The following RGS12 variants were observed in gnomAD, a reference collection of about 807,000 sequenced individuals.
The protein encoded by RGS12 is regulator of G protein signaling 12, also known as regulator of G-protein signaling 12.
In RGS12, 66 loss-of-function variants were observed where a neutral mutation model predicts 120.1. The observed-to-expected ratio is 0.55, with a 90% confidence interval of 0.45 to 0.67. The LOEUF (loss-of-function observed/expected upper bound fraction) is 0.67. Among genes scored for constraint, RGS12 ranks in the 30% least tolerant of loss-of-function variants. The pLI, the probability that RGS12 is intolerant of heterozygous loss-of-function variation, is 0.00. For missense variants in RGS12, 1,859 were observed against 1,957.7 expected (o/e 0.95, Z 0.95); for synonymous variants, 827 against 804.7 (o/e 1.03, Z -0.47).
chr4:3,362,285 G>A (rs184529160), intron 3 of RGS12, among the ~76,000 whole-genome samples: 85 of 152,296 alleles, frequency 5.6e-4, no homozygotes, highest in African/African-American at 1.9e-3. Context: ...AGGTTGAGGG[G>A]CACATTTTCC....
At chr4:3,400,019 A>G (rs1490820675) in intron 4 of RGS12, among the ~76,000 whole-genome samples, 1 of 152,208 alleles carries the variant, frequency 6.6e-6, no homozygotes, top group Non-Finnish European at 1.5e-5. Flanking sequence ...AGCATAACAC[A>G]TGGTTTGCCT....
chr4:3,366,577 G>T lies in RGS12; in HGVS notation c.1999-19839G>T, dbSNP rs1054496403. Reference sequence around the variant, plus strand: ...GGGCTTGCGGCCGGGATCCACCAGGGCCGTCCCGGTTCCTGGGTGTTCCGC... The same window carrying T: ...GGGCTTGCGGCCGGGATCCACCAGGTCCGTCCCGGTTCCTGGGTGTTCCGC... On this transcript the variant is annotated intron_variant, in intron 3 of 17. Transcript: ENST00000336727. The surrounding 1 kb of genome is among the most constrained non-coding windows in gnomAD (Gnocchi z 4.0). Among the ~76,000 whole-genome samples the T allele has an allele frequency of 6.6e-6, 1 of 152,228 alleles. No individual in the cohort carries two copies. Among genetic ancestry groups the T allele is most frequent in the Non-Finnish European group, 1.5e-5 (1 of 68,038 alleles).
chr4:3,336,832 A>G lies in RGS12; in HGVS notation c.1882-6105A>G, dbSNP rs529072068. On this transcript the variant is annotated intron_variant, in intron 2 of 17. Transcript: ENST00000336727. ...AAGCCATGTATCTGATATGCAGTTAATATGCAGAGTCTATAGAGAACTCCT... is the reference window on the plus strand; with the variant it reads ...AAGCCATGTATCTGATATGCAGTTAGTATGCAGAGTCTATAGAGAACTCCT... Among the ~76,000 whole-genome samples, 4 of 152,370 alleles carry G rather than the reference A, an allele frequency of 2.6e-5. No individual in the cohort carries two copies. The South Asian group carries it at 8.3e-4, about 32-fold the overall frequency.
intron 1 of RGS12, among the ~76,000 whole-genome samples, chr4:3,296,295 C>T (rs779446371): frequency 7.2e-5 from 11 of 152,180 alleles, no homozygotes; most frequent in Non-Finnish European, 1.5e-4. Context: ...CATCCTCCTG[C>T]CTCAGCCTCT....
chr4:3,326,532 G>C lies in RGS12; in HGVS notation c.1881+8481G>C, dbSNP rs568915697. ...AAAGTGCTGGGAAGTGTGAGCCACC[G>C]CCCCTGGCTAGATGTGATCTTATAT... On this transcript the variant is annotated intron_variant, in intron 2 of 17. Coordinates refer to ENST00000336727, the MANE Select transcript of RGS12 (RefSeq NM_001394154.1). Among the ~76,000 whole-genome samples, 154 of 152,254 alleles carry C rather than the reference G, an allele frequency of 1.0e-3. 1 individual carries two copies. Among genetic ancestry groups the C allele is most frequent in the African/African-American group, 3.5e-3 (145 of 41,540 alleles).
intron 4 of RGS12, chr4:3,407,551 TG>T (rs1721285941): frequency 6.6e-6 from 1 of 152,332 alleles, no homozygotes; most frequent in Admixed American, 6.5e-5. Context: ...GGCATCACAG[TG>T]GCTCTTATCA....
chr4:3,313,741 A>C (rs1724560756), intron 1 of RGS12, among the ~76,000 whole-genome samples: 1 of 152,118 alleles, frequency 6.6e-6, no homozygotes, highest in African/African-American at 2.4e-5. Flanking sequence ...GAATCCCTGC[A>C]GTCTCCGCAT....
Position 3,372,311 on chromosome 4 carries a change from G to A in RGS12, c.1999-14105G>A, listed in dbSNP as rs1039018678. 1.3e-5 allele frequency among the ~76,000 whole-genome samples: 2 copies of A among 152,156 alleles called. No homozygotes were observed. The highest frequency in any genetic ancestry group is 1.9e-4 in the East Asian group (1 of 5,176). Reference sequence around the variant, plus strand: ...TGAGCCTCCCTGGCAGGCAGCGGCCGTTCAGCCAGCCTGTGGCTGTCACAG... The same window carrying A: ...TGAGCCTCCCTGGCAGGCAGCGGCCATTCAGCCAGCCTGTGGCTGTCACAG... On this transcript the variant is annotated intron_variant, in intron 3 of 17. Coordinates refer to ENST00000336727, the MANE Select transcript of RGS12 (RefSeq NM_001394154.1). This position sits in a 1 kb window ranked among gnomAD's most constrained non-coding sequence, Gnocchi z 4.3.
chr4:3,385,146 A>T (rs1247521923), intron 3 of RGS12: 1 of 152,074 alleles, frequency 6.6e-6, no homozygotes, highest in Non-Finnish European at 1.5e-5. Flanking sequence ...TTAAAGCCCC[A>T]GTGACCTCCA....
At chr4:3,321,604 TCTCA>T (rs1725196576) in intron 2 of RGS12, among the ~76,000 whole-genome samples, 1 of 152,222 alleles carries the variant, frequency 6.6e-6, no homozygotes. Flanking sequence ...CCCAAGGGCA[TCTCA>T]CTCCCAGCTT....
chr4:3,366,039 G>A lies in RGS12; in HGVS notation c.1999-20377G>A, dbSNP rs999132392. Among the ~76,000 whole-genome samples the A allele has an allele frequency of 5.3e-5, 8 of 152,174 alleles. No homozygotes were observed. The highest frequency in any genetic ancestry group is 9.7e-5 in the African/African-American group (4 of 41,430). On this transcript the variant is annotated intron_variant, in intron 3 of 17. Coordinates refer to ENST00000336727, the MANE Select transcript of RGS12 (RefSeq NM_001394154.1). The surrounding 1 kb of genome is among the most constrained non-coding windows in gnomAD (Gnocchi z 4.0). ...GGGCACCGTTGCGTGGGGCGTGCTC[G>A]AGGTGGAGACGGCTGTGAGCAGCTG...
chr4:3,325,210 G>A lies in RGS12; in HGVS notation c.1881+7159G>A, dbSNP rs1299261782. ...ATAGGATTCCTTGGTTCAGGAATGCGGCTTAAGTTTTATTTTGATTTGTTT... is the reference window on the plus strand; with the variant it reads ...ATAGGATTCCTTGGTTCAGGAATGCAGCTTAAGTTTTATTTTGATTTGTTT... On this transcript the variant is annotated intron_variant, in intron 2 of 17. Transcript: ENST00000336727. Among the ~76,000 whole-genome samples, 5 of 152,246 alleles carry A rather than the reference G, an allele frequency of 3.3e-5. No homozygotes were observed. The South Asian group carries it at 6.2e-4, about 19-fold the overall frequency.
At chr4:3,380,836 T>C (rs1718186256) in intron 3 of RGS12, among the ~76,000 whole-genome samples, 2 of 152,242 alleles carry the variant, frequency 1.3e-5, no homozygotes, top group African/African-American at 4.8e-5. Flanking sequence ...TGAGAGGGGC[T>C]GCCCCAAAGG....
chr4:3,300,587 G>A (rs941545678), intron 1 of RGS12, among the ~76,000 whole-genome samples: 1 of 152,176 alleles, frequency 6.6e-6, no homozygotes, highest in African/African-American at 2.4e-5. Context: ...TCTGGAGACT[G>A]GAAGCCTGAA....
rs979171976 is a variant in RGS12 at position 3,303,132 on chromosome 4, C to A, written c.-102+10033C>A. 2.6e-5 allele frequency among the ~76,000 whole-genome samples: 4 copies of A among 152,120 alleles called. No individual in the cohort carries two copies. The East Asian group carries it at 5.8e-4, about 22-fold the overall frequency. On this transcript the variant is annotated intron_variant, in intron 1 of 17. Coordinates refer to ENST00000336727, the MANE Select transcript of RGS12 (RefSeq NM_001394154.1). ...GGGATGTTGAGGTTTGGGGAGGGAC[C>A]CAGTGAGAGAGCCTCAAGAGGCTGG... is the stretch of plus-strand genomic sequence containing the variant.
At chr4:3,291,988 C>A (rs559838827), upstream of RGS12, among the ~76,000 whole-genome samples, 21 of 152,184 alleles carry the variant, frequency 1.4e-4, no homozygotes, top group East Asian at 3.7e-3. Flanking sequence ...AACCATGGGG[C>A]GGTGGCGGGG....
chr4:3,430,767 C>G lies in RGS12; in HGVS notation c.3926C>G (p.Ala1309Gly). Residue 1309 changes from alanine to glycine, a missense_variant, in exon 17 of 18, where the codon GCG becomes GGG. Ala to Gly is a moderately conservative substitution (Grantham distance 60, BLOSUM62 0). Coordinates refer to ENST00000336727, the MANE Select transcript of RGS12 (RefSeq NM_001394154.1). ...FCTPQSPVSL[A>G]QEGTAQIWKR... Reference sequence around the variant, plus strand: ...ACTCCCCAGTCCCCCGTCTCCCTCGCGCAGGAGGGCACCGCCCAGATCTGG... The same window carrying G: ...ACTCCCCAGTCCCCCGTCTCCCTCGGGCAGGAGGGCACCGCCCAGATCTGG... 6.2e-7 allele frequency: 1 copy of G among 1,610,342 alleles called. No individual in the cohort carries two copies. The highest frequency in any genetic ancestry group is 8.5e-7 in the Non-Finnish European group (1 of 1,178,546).
At chr4:3,397,480 G>C (rs1484430608) in intron 4 of RGS12, among the ~76,000 whole-genome samples, 1 of 152,208 alleles carries the variant, frequency 6.6e-6, no homozygotes, top group Non-Finnish European at 1.5e-5. Flanking sequence ...ACCCAAGAGA[G>C]AGTAGTCGTG....
chr4:3,365,799 A>G lies in RGS12; in HGVS notation c.1999-20617A>G, dbSNP rs1049215399. Among the ~76,000 whole-genome samples the G allele has an allele frequency of 6.6e-6, 1 of 152,166 alleles. No individual in the cohort carries two copies. ...ACACACCAGTCTGCTTTTTAAACCC[A>G]TTATATGGGAAATTTTCTGAACTGT... is the stretch of plus-strand genomic sequence containing the variant. On this transcript the variant is annotated intron_variant, in intron 3 of 17. Transcript: ENST00000336727. This position sits in a 1 kb window ranked among gnomAD's most constrained non-coding sequence, Gnocchi z 4.0.
Sources: gnomAD v4.1 joint callset for allele counts (sites outside exome capture counted in the v4.1 genomes callset) on GRCh38, gnomAD v4.1.1 for gene constraint, Gnocchi (gnomAD v3.1) non-coding constraint, MANE v1.5 for transcripts, NCBI Gene and HGNC (gene_info 2026-07-23, HGNC 2026-07-21) for gene names.